The following TMCC1 variants were observed in gnomAD, a reference collection of about 807,000 sequenced individuals.
The protein encoded by TMCC1 is transmembrane and coiled-coil domains protein 1.
TMCC1 carries 15 observed loss-of-function variants against 52.4 expected under a neutral mutation model. The ratio of observed to expected loss-of-function variants is 0.29; its 90% CI spans 0.19 to 0.44. The LOEUF is 0.44. TMCC1 is among the 20% of genes least tolerant of loss of function. The probability of loss-of-function intolerance (pLI) is 1.00; values close to 1 mark genes in which losing one functional copy is unlikely to be tolerated. For synonymous variants in TMCC1, 279 were observed against 301.9 expected (o/e 0.92, Z 0.79); for missense variants, 503 against 806.0 (o/e 0.62, Z 4.55).
chr3:129,651,347 C>A lies in TMCC1; in HGVS notation c.*134G>T. On this transcript the variant is annotated 3_prime_UTR_variant, in exon 7 of 7. Transcript: ENST00000393238. This position sits in a 1 kb window ranked among gnomAD's most constrained non-coding sequence, Gnocchi z 5.1. ...CAATTGCGTCTCTTGAAGAAAAAAACATTATTCTAAATGTAAACAGATTCA... is the reference window on the plus strand; with the variant it reads ...CAATTGCGTCTCTTGAAGAAAAAAAAATTATTCTAAATGTAAACAGATTCA... 6 of 1,050,036 alleles carry A rather than the reference C, an allele frequency of 5.7e-6. No individual in the cohort carries two copies. Among genetic ancestry groups the A allele is most frequent in the South Asian group, 2.0e-5 (1 of 50,658 alleles). The allele number at this position is 1,050,036 out of a possible 1,614,324, so 65.0% of individuals were successfully genotyped here.
chr3:129,769,546 T>G (rs1424735926), intron 4 of TMCC1, among the ~76,000 whole-genome samples: 1 of 151,796 alleles, frequency 6.6e-6, no homozygotes. Flanking sequence ...GAGATTTTTT[T>G]TTTTTTTTTT....
rs1352867326 is a variant in TMCC1 at position 129,893,681 on chromosome 3, C to CCCGGCGCGGGAGGGCGAA, written c.-640_-623dup. 46 of 151,160 alleles carry CCCGGCGCGGGAGGGCGAA rather than the reference C, an allele frequency of 3.0e-4. No homozygotes were observed. In the South Asian group the frequency reaches 3.7e-3, roughly 12 times the overall value. The allele number at this position is 151,160 out of a possible 1,614,324, so 9.4% of individuals were successfully genotyped here. A position where few individuals can be genotyped will look rare whatever the true frequency, so the allele number is the denominator to read the frequency against. On this transcript the variant is annotated 5_prime_UTR_variant, in exon 1 of 7. Transcript: ENST00000393238. ...CCGCCACCGCCGCCGCCGCCTCAGC[C>CCCGGCGCGGGAGGGCGAA]CCGGCGCGGGAGGGCGAACCGGCGC...
chr3:129,749,446 T>A (rs2052298709), intron 4 of TMCC1, among the ~76,000 whole-genome samples: 1 of 152,128 alleles, frequency 6.6e-6, no homozygotes, highest in African/African-American at 2.4e-5. Flanking sequence ...GATATGGGGT[T>A]CTGAGCAGCT....
At chr3:129,853,635 C>CAAAA (rs150947206) in intron 2 of TMCC1, among the ~76,000 whole-genome samples, 6 of 112,894 alleles carry the variant, frequency 5.3e-5, no homozygotes, top group Admixed American at 9.0e-5. Flanking sequence ...CACCCCACCT[C>CAAAA]AAAAAAAAAA....
intron 2 of TMCC1, among the ~76,000 whole-genome samples, chr3:129,871,690 TA>T (rs2060938085): frequency 6.6e-6 from 1 of 152,000 alleles, no homozygotes; most frequent in Admixed American, 6.6e-5. Context: ...TTCCATTACA[TA>T]AACGGCTCCT....
intron 4 of TMCC1, among the ~76,000 whole-genome samples, chr3:129,754,956 C>A (rs2052864892): frequency 6.6e-6 from 1 of 151,764 alleles, no homozygotes; most frequent in South Asian, 2.1e-4. Flanking sequence ...CGGGCGCCTG[C>A]AATCCCAGCT....
intron 4 of TMCC1, among the ~76,000 whole-genome samples, chr3:129,697,845 G>A (rs1034952487): frequency 4.6e-5 from 7 of 152,048 alleles, no homozygotes; most frequent in South Asian, 4.2e-4. Context: ...TGAGACCATC[G>A]CAGCCCGGAC....
At chr3:129,666,313 C>G (rs2087447635) in intron 5 of TMCC1, among the ~76,000 whole-genome samples, 1 of 152,230 alleles carries the variant, frequency 6.6e-6, no homozygotes, top group Non-Finnish European at 1.5e-5. Context: ...CTTCACTAAC[C>G]TGAGAGTATC....
intron 4 of TMCC1, among the ~76,000 whole-genome samples, chr3:129,817,039 G>GA (rs2058132022): frequency 6.6e-6 from 1 of 151,440 alleles, no homozygotes; most frequent in Non-Finnish European, 1.5e-5. Flanking sequence ...AAAGAAAAAA[G>GA]AAAAAGACAA....
intron 2 of TMCC1, among the ~76,000 whole-genome samples, chr3:129,873,413 GA>G (rs2061029270): frequency 1.3e-5 from 2 of 151,612 alleles, no homozygotes; most frequent in South Asian, 4.2e-4. Context: ...CAGGTGTGGT[GA>G]CTCACACTCA....
intron 2 of TMCC1, among the ~76,000 whole-genome samples, chr3:129,861,908 G>T (rs1002723175): frequency 6.6e-6 from 1 of 152,076 alleles, no homozygotes; most frequent in Admixed American, 6.5e-5. Context: ...GTACATAAAC[G>T]TTCCTAACAG....
intron 5 of TMCC1, among the ~76,000 whole-genome samples, chr3:129,666,930 C>A (rs1356255815): frequency 2.0e-5 from 3 of 150,654 alleles, no homozygotes; most frequent in Non-Finnish European, 3.0e-5. Flanking sequence ...GAGACGGAGT[C>A]TCACTCTGTC....
intron 4 of TMCC1, among the ~76,000 whole-genome samples, chr3:129,675,314 G>A (rs963563597): frequency 1.3e-5 from 2 of 152,218 alleles, no homozygotes; most frequent in Non-Finnish European, 2.9e-5. Flanking sequence ...CAGTAGTGAA[G>A]CATGGATTCT....
At chr3:129,840,147 G>A (rs1375599206) in intron 2 of TMCC1, among the ~76,000 whole-genome samples, 5 of 151,586 alleles carry the variant, frequency 3.3e-5, no homozygotes, top group Admixed American at 3.3e-4. Context: ...GGGCAACATG[G>A]TGAAACCCTT....
chr3:129,662,348 TG>T (rs1419638754), intron 5 of TMCC1, among the ~76,000 whole-genome samples: 2 of 152,226 alleles, frequency 1.3e-5, no homozygotes, highest in Admixed American at 6.5e-5. Context: ...ACACTTAGGC[TG>T]TATGGTACAG....
In TMCC1 at chr3:129,726,893, A is replaced by AAAAAAAAAAAAAAG. The variant is rs1560278979; in HGVS notation, c.577-55630_577-55629insCTTTTTTTTTTTTT. On this transcript the variant is annotated intron_variant, in intron 4 of 6. Transcript: ENST00000393238. ...CAAAAAAAAAAAAAAAAAAAAAAAA[A>AAAAAAAAAAAAAAG]AAAAAGAACCACTGTTCAAACCAAA... is the stretch of plus-strand genomic sequence containing the variant. 2.1e-5 allele frequency among the ~76,000 whole-genome samples: 3 copies of AAAAAAAAAAAAAAG among 144,356 alleles called. No individual in the cohort carries two copies. The East Asian group carries it at 5.9e-4, about 29-fold the overall frequency. 94.7% of individuals were successfully genotyped at this position (144,356 alleles called of 152,430 possible).
intron 2 of TMCC1, among the ~76,000 whole-genome samples, chr3:129,878,895 C>T (rs2061341911): frequency 6.6e-6 from 1 of 152,208 alleles, no homozygotes; most frequent in South Asian, 2.1e-4. Context: ...GACCCACCCT[C>T]ACCATTCCTC....
chr3:129,846,241 C>T (rs1026244905), intron 2 of TMCC1, among the ~76,000 whole-genome samples: 8 of 152,092 alleles, frequency 5.3e-5, no homozygotes, highest in African/African-American at 1.7e-4. Context: ...ATCACTTTAG[C>T]TGGGCATAGT....
At chr3:129,803,721 C>T (rs1042587865) in intron 4 of TMCC1, among the ~76,000 whole-genome samples, 2 of 151,976 alleles carry the variant, frequency 1.3e-5, no homozygotes, top group African/African-American at 4.8e-5. Flanking sequence ...AGGCTTACTG[C>T]CAAGAATCCT....
Sources: allele counts gnomAD v4.1 joint callset (sites outside exome capture counted in the v4.1 genomes callset), GRCh38; gene constraint gnomAD v4.1.1; non-coding constraint Gnocchi (gnomAD v3.1); transcripts MANE v1.5; gene names NCBI Gene and HGNC (gene_info 2026-07-23, HGNC 2026-07-21).